The following LIMS2 variants were observed in gnomAD, a reference collection of about 807,000 sequenced individuals.
LIMS2 encodes the protein LIM zinc finger domain containing 2, also known as LIM and senescent cell antigen-like-containing domain protein 2.
Under a neutral mutation model 45.3 loss-of-function variants are expected in LIMS2, and 30 were observed. The observed-to-expected ratio is 0.66, with a 90% CI of 0.50 to 0.90. LIMS2 has a LOEUF of 0.90. Among genes scored for constraint, LIMS2 ranks in the 40% least tolerant of loss-of-function variants. The pLI is 0.00. For synonymous variants in LIMS2, 173 were observed against 188.0 expected, an observed-to-expected ratio of 0.92 and a Z score of 0.65; for missense variants, 485 against 468.7, an observed-to-expected ratio of 1.03 and a Z score of -0.32.
intron 1 of LIMS2, 118 bp from the exon 2 acceptor site, chr2:127,657,680 G>T: frequency 1.7e-6 from 2 of 1,151,930 alleles, no homozygotes; most frequent in Non-Finnish European, 2.4e-6. Flanking sequence ...CGCTCTGCAG[G>T]ATCAGGAAAA....
intron 1 of LIMS2, 112 bp downstream of exon 1, chr2:127,674,902 G>A: frequency 8.2e-7 from 1 of 1,218,560 alleles, no homozygotes; most frequent in Non-Finnish European, 1.0e-6. Context: ...CGACGCGCCA[G>A]GGCGGAGCGG....
intron 4 of LIMS2, chr2:127,649,851 G>A (rs1389740477): frequency 2.0e-5 from 13 of 647,240 alleles, no homozygotes; most frequent in Non-Finnish European, 5.3e-6. Context: ...GTCCTCAACA[G>A]CGCTGGCCAG....
intron 1 of LIMS2, chr2:127,673,731 C>T: frequency 2.6e-6 from 4 of 1,551,514 alleles, no homozygotes; most frequent in Non-Finnish European, 3.5e-6. Flanking sequence ...CTGTCTCTCC[C>T]CACTTTCTTT....
chr2:127,664,916 A>G lies in LIMS2; in HGVS notation c.12-7354T>C, dbSNP rs149849927. 1.3e-5 allele frequency among the ~76,000 whole-genome samples: 2 copies of G among 152,290 alleles called. No homozygotes were observed. The highest frequency in any genetic ancestry group is 4.8e-5 in the African/African-American group (2 of 41,564). On this transcript the variant is annotated intron_variant, in intron 1 of 9. Transcript: ENST00000355119. The surrounding 1 kb of genome is among the most constrained non-coding windows in gnomAD (Gnocchi z 5.5). Reference sequence around the variant, plus strand: ...CCCTTCTCTGAGACCCTCTGCCACAAACATCACCGTGGGGCACCCAGACCA... The same window carrying G: ...CCCTTCTCTGAGACCCTCTGCCACAGACATCACCGTGGGGCACCCAGACCA...
rs1685214341 is a variant in LIMS2, at chr2:127,670,197, T to A, written c.11+4817A>T. Among the ~76,000 whole-genome samples, 4 of 152,224 alleles carry A rather than the reference T, an allele frequency of 2.6e-5. No individual in the cohort carries two copies. The South Asian group carries it at 8.3e-4, about 32-fold the overall frequency. ...TTGTATGGGAATGTTCATAGCAGTA[T>A]TATTCACGGTAGCCAAAAAGTGGAA... On this transcript the variant is annotated intron_variant, in intron 1 of 9. Transcript: ENST00000355119.
chr2:127,661,571 A>G (rs1329141233), intron 1 of LIMS2, among the ~76,000 whole-genome samples: 4 of 152,178 alleles, frequency 2.6e-5, no homozygotes, highest in South Asian at 2.1e-4. Context: ...AGGAGACACC[A>G]CTACCCACCC....
At chr2:127,643,432 G>A (rs1409193731) in intron 4 of LIMS2, 1 of 460,912 alleles carries the variant, frequency 2.2e-6, no homozygotes, top group African/African-American at 2.0e-5. Flanking sequence ...ACACACACGA[G>A]TTATAATGAG....
chr2:127,675,238 G>T lies in LIMS2; in HGVS notation c.-214C>A, dbSNP rs1685457939. On this transcript the variant is annotated 5_prime_UTR_variant, in exon 1 of 10. Coordinates refer to ENST00000355119, the MANE Select transcript of LIMS2 (RefSeq NM_001161403.3). ...GTGGGATGGGGAGGTCAAGGCTGAG[G>T]GTGGTGGGGGTGTTGGGGAGGTGAC... The T allele has an allele frequency of 3.1e-6, 1 of 320,036 alleles. No homozygotes were observed. The highest frequency in any genetic ancestry group is 1.6e-4 in the South Asian group (1 of 6,308). The allele number at this position is 320,036 out of a possible 1,614,324, so 19.8% of individuals were successfully genotyped here.
At chr2:127,656,803 T>C (rs1024841984) in intron 2 of LIMS2, among the ~76,000 whole-genome samples, 1 of 152,202 alleles carries the variant, frequency 6.6e-6, no homozygotes, top group Non-Finnish European at 1.5e-5. Context: ...GGGAAGCCTA[T>C]GGCTCCGTAG....
upstream of LIMS2, among the ~76,000 whole-genome samples, chr2:127,675,561 G>A (rs1685475799): frequency 6.6e-6 from 1 of 152,134 alleles, no homozygotes; most frequent in South Asian, 2.1e-4. Flanking sequence ...TCCTTTTAAA[G>A]GGAGTAAAGT....
rs993707867 is a variant in LIMS2, at chr2:127,658,668, G to A, written c.12-1106C>T. Among the ~76,000 whole-genome samples the A allele has an allele frequency of 6.6e-5, 10 of 152,156 alleles. No individual in the cohort carries two copies. The South Asian group carries it at 1.0e-3, about 16-fold the overall frequency. ...TCCTAAACACCCCAACTGCCTCTAC[G>A]ACCTTCAAAGAACCGGATACCCCAC... On this transcript the variant is annotated intron_variant, in intron 1 of 9. Coordinates refer to ENST00000355119, the MANE Select transcript of LIMS2 (RefSeq NM_001161403.3).
At chr2:127,643,181 T>A in intron 4 of LIMS2, 109 bp from the exon 5 acceptor site, 1 of 1,233,646 alleles carries the variant, frequency 8.1e-7, no homozygotes, top group Non-Finnish European at 1.1e-6. Context: ...AGCTGGGGGC[T>A]TCAAAGGGGC....
chr2:127,651,754 G>A, intron 4 of LIMS2: 2 of 1,610,612 alleles, frequency 1.2e-6, no homozygotes, highest in Non-Finnish European at 8.5e-7. Context: ...TCAGAGCTGT[G>A]AGCGGGGGGC....
Position 127,639,246 on chromosome 2 carries a change from C to A in LIMS2, c.*35G>T. 2 of 1,606,090 alleles carry A rather than the reference C, an allele frequency of 1.2e-6. No homozygotes were observed. The highest frequency in any genetic ancestry group is 1.7e-6 in the Non-Finnish European group (2 of 1,175,552). On this transcript the variant is annotated 3_prime_UTR_variant, in exon 10 of 10. Coordinates refer to ENST00000355119, the MANE Select transcript of LIMS2 (RefSeq NM_001161403.3). ...GCATGGACAGCAGGAGGGGAGAAGG[C>A]GGAGGGGCCGAGAGGCAGCTGCGCA...
At chr2:127,651,135 G>T in intron 4 of LIMS2, 2 of 1,613,330 alleles carry the variant, frequency 1.2e-6, no homozygotes, top group Non-Finnish European at 1.7e-6. Context: ...CCTGGCCATT[G>T]TGCACCCGGT....
rs188966484 is a variant in LIMS2 at position 127,642,406 on chromosome 2, G to A, written c.510-207C>T. Reference sequence around the variant, plus strand: ...GAGCACAGACTTCCTGCACAGCCCAGAAGAGTGGGCTGTGTTCTGCACCCA... The same window carrying A: ...GAGCACAGACTTCCTGCACAGCCCAAAAGAGTGGGCTGTGTTCTGCACCCA... On this transcript the variant is annotated intron_variant, in intron 5 of 9. Coordinates refer to ENST00000355119, the MANE Select transcript of LIMS2 (RefSeq NM_001161403.3). The surrounding 1 kb of genome is among the most constrained non-coding windows in gnomAD (Gnocchi z 5.3). The A allele has an allele frequency of 8.5e-4, 463 of 541,954 alleles. 6 individuals are homozygous for A. The East Asian group carries it at 0.014, about 17-fold the overall frequency. The allele number at this position is 541,954 out of a possible 1,614,324, so 33.6% of individuals were successfully genotyped here. A position where few individuals can be genotyped will look rare whatever the true frequency, so the allele number is the denominator to read the frequency against.
Position 127,642,086 on chromosome 2 carries a change from C to T in LIMS2, c.623G>A (p.Arg208Gln), listed in dbSNP as rs767489473. 1.7e-5 allele frequency: 27 copies of T among 1,610,558 alleles called. No homozygotes were observed. Among genetic ancestry groups the T allele is most frequent in the Admixed American group, 5.0e-5 (3 of 59,808 alleles). Residue 208 changes from arginine (R) to glutamine (Q), a missense_variant, in exon 6 of 10, where the codon CGA (arginine) becomes CAA (glutamine). Transcript: ENST00000355119. The surrounding 1 kb of genome is among the most constrained non-coding windows in gnomAD (Gnocchi z 5.3). The part of the protein sequence containing the change: ...CGACRRPIEG[R>Q]VVNALGKQWH... ...CTGCTTGCCCAGCGCGTTGACCACTCGGCCCTCGATGGGCCGGCGGCAGGC... is the reference window on the plus strand; with the variant it reads ...CTGCTTGCCCAGCGCGTTGACCACTTGGCCCTCGATGGGCCGGCGGCAGGC...
chr2:127,640,219 C>T, intron 8 of LIMS2, 51 bp downstream of exon 8: 3 of 1,612,596 alleles, frequency 1.9e-6, no homozygotes, highest in Non-Finnish European at 2.5e-6. Flanking sequence ...AGCTGCAGCA[C>T]CCAGGCCCCA....
chr2:127,653,174 G>A lies in LIMS2; in HGVS notation c.359+1250C>T, dbSNP rs1049366844. 5.9e-5 allele frequency among the ~76,000 whole-genome samples: 9 copies of A among 152,210 alleles called. No homozygotes were observed. Among genetic ancestry groups the A allele is most frequent in the South Asian group, 2.1e-4 (1 of 4,834 alleles). On this transcript the variant is annotated intron_variant, in intron 4 of 9. Coordinates refer to ENST00000355119, the MANE Select transcript of LIMS2 (RefSeq NM_001161403.3). This position sits in a 1 kb window ranked among gnomAD's most constrained non-coding sequence, Gnocchi z 5.3. ...GCCCCAGGCCACGTGCCTCTCTCAC[G>A]GGCAGCACACGGACAAGAGCTCGGT...
Sources: allele counts gnomAD v4.1 joint callset (sites outside exome capture counted in the v4.1 genomes callset), GRCh38; gene constraint gnomAD v4.1.1; non-coding constraint Gnocchi (gnomAD v3.1); transcripts MANE v1.5; gene names NCBI Gene and HGNC (gene_info 2026-07-23, HGNC 2026-07-21).